Variants in TGM3 observed in about 807,000 individuals in gnomAD.
The protein encoded by TGM3 is transglutaminase 3, also known as protein-glutamine gamma-glutamyltransferase E.
In TGM3, 52 loss-of-function variants were observed where a neutral mutation model predicts 73.8. The observed-to-expected ratio is 0.70, with a 90% confidence interval of 0.56 to 0.89. The LOEUF (loss-of-function observed/expected upper bound fraction) is 0.89. Ranked by LOEUF, TGM3 falls within the 40% of genes least tolerant of loss-of-function variation. The pLI, the probability that TGM3 is intolerant of heterozygous loss-of-function variation, is 0.00. For synonymous variants in TGM3, 372 were observed against 354.9 expected, an observed-to-expected ratio of 1.05 and a Z score of -0.54; for missense variants, 928 against 909.9, an observed-to-expected ratio of 1.02 and a Z score of -0.26.
In TGM3 at chr20:2,340,741, T is replaced by A; in HGVS notation, c.*160T>A. 1 of 948,878 alleles carries A rather than the reference T, an allele frequency of 1.1e-6. No individual in the cohort carries two copies. The highest frequency in any genetic ancestry group is 1.4e-5 in the South Asian group (1 of 69,462). The allele number at this position is 948,878 out of a possible 1,614,324, so 58.8% of individuals were successfully genotyped here. Reference sequence around the variant, plus strand: ...CAGGCTCCAGCACATCCCCCTCTCCTCTCCCCCAGGTTGGGGCTGGGTCCA... The same window carrying A: ...CAGGCTCCAGCACATCCCCCTCTCCACTCCCCCAGGTTGGGGCTGGGTCCA... On this transcript the variant is annotated 3_prime_UTR_variant, in exon 13 of 13. Transcript: ENST00000381458.
At chr20:2,323,546 T>C (rs974045620) in intron 7 of TGM3, among the ~76,000 whole-genome samples, 12 of 152,346 alleles carry the variant, frequency 7.9e-5, no homozygotes, top group Admixed American at 7.2e-4. Flanking sequence ...CTTACGTGAG[T>C]TTTTCCATGG....
At chr20:2,340,040 G>GGGGGGGGGGGGGGGGGGGGGGC in intron 12 of TGM3, 53 bp downstream of exon 12, 3 of 944,838 alleles carry the variant, frequency 3.2e-6, no homozygotes, top group East Asian at 3.3e-5. Flanking sequence ...GGGCGGGGGG[G>GGGGGGGGGGGGGGGGGGGGGGC]CCCTCCAGAT....
intron 7 of TGM3, among the ~76,000 whole-genome samples, chr20:2,317,922 C>CATATATATATATATATATCATAT (rs1568627288): frequency 1.4e-5 from 2 of 143,060 alleles, no homozygotes; most frequent in African/African-American, 5.2e-5. Flanking sequence ...CTTCTCTTAG[C>CATATATATATATATATATCATAT]ATATATATAT....
intron 12 of TGM3, 58 bp from the exon 13 acceptor site, chr20:2,340,376 C>T (rs1219809914): frequency 9.4e-6 from 15 of 1,601,950 alleles, no homozygotes; most frequent in Middle Eastern, 1.7e-4. Flanking sequence ...ACAGGAGGCC[C>T]GTCCAGCCCA....
intron 6 of TGM3, 52 bp from the exon 7 acceptor site, chr20:2,317,298 G>A (rs557107089): frequency 6.2e-7 from 1 of 1,613,954 alleles, no homozygotes; most frequent in South Asian, 1.1e-5. Context: ...AGTGGGCTAT[G>A]CCAAGGTACC....
intron 1 of TGM3, among the ~76,000 whole-genome samples, chr20:2,303,652 C>T (rs1054599361): frequency 1.1e-4 from 17 of 152,160 alleles, no homozygotes; most frequent in Admixed American, 8.5e-4. Context: ...CCATGGCCAC[C>T]GAGCCAGAGT....
chr20:2,340,651 C>T lies in TGM3; in HGVS notation c.*70C>T. ...GGGAGAGCTCACCATGGAATGAACCCCCCGCCCATGCTGTCCGGCCTGGGA... is the reference window on the plus strand; with the variant it reads ...GGGAGAGCTCACCATGGAATGAACCTCCCGCCCATGCTGTCCGGCCTGGGA... On this transcript the variant is annotated 3_prime_UTR_variant, in exon 13 of 13. Transcript: ENST00000381458. 6.3e-7 allele frequency: 1 copy of T among 1,598,070 alleles called. No homozygotes were observed. The highest frequency in any genetic ancestry group is 1.1e-5 in the South Asian group (1 of 90,038).
In TGM3 at chr20:2,340,454, A is replaced by G. The variant is rs2084375246; in HGVS notation, c.1955A>G (p.Lys652Arg). The G allele has an allele frequency of 6.2e-7, 1 of 1,614,030 alleles. No homozygotes were observed. The highest frequency in any genetic ancestry group is 1.3e-5 in the African/African-American group (1 of 75,024). ...LKIDVPTLGP[K>R]EGSRVRFDIL... ...ATCAGCGTGCCGACCCTAGGGCCCA[A>G]GGAGGGGTCCCGGGTCCGTTTTGAT... The change falls in exon 13 of 13, where the codon AAG (lysine) becomes AGG (arginine). Residue 652 changes from lysine (K) to arginine (R), a missense_variant. Physicochemically the swap from Lys to Arg is conservative, Grantham distance 26. Transcript: ENST00000381458.
intron 1 of TGM3, among the ~76,000 whole-genome samples, chr20:2,300,252 GA>G (rs1293615717): frequency 0.017 from 2,648 of 151,514 alleles, 74 homozygotes; most frequent in African/African-American, 0.06. Context: ...AAGAAAGAAA[GA>G]AAAGAGAGGA....
In TGM3 at chr20:2,340,519, G is replaced by A. The variant is rs140423684; in HGVS notation, c.2020G>A (p.Asp674Asn). The A allele has an allele frequency of 4.5e-5, 72 of 1,614,148 alleles. No homozygotes were observed. The highest frequency in any genetic ancestry group is 4.4e-4 in the South Asian group (40 of 91,074). Residue 674 changes from aspartate to asparagine, a missense_variant, in exon 13 of 13, where the codon GAC becomes AAC. Asp to Asn is a conservative substitution (Grantham distance 23). Transcript: ENST00000381458. ...SRSGTKQLLA[D>N]FSCNKFPAIK... ...GAGTGGCACCAAGCAACTGCTCGCC[G>A]ACTTCTCCTGCAACAAGTTCCCTGC... is the stretch of plus-strand genomic sequence containing the variant.
intron 2 of TGM3, 106 bp downstream of exon 2, chr20:2,309,936 A>G (rs945400295): frequency 3.4e-6 from 5 of 1,491,792 alleles, no homozygotes; most frequent in Non-Finnish European, 4.6e-6. Context: ...ATTGGGTTCT[A>G]GCCTTGCTCT....
At chr20:2,317,772 G>T (rs141299229) in intron 7 of TGM3, among the ~76,000 whole-genome samples, 1 of 151,780 alleles carries the variant, frequency 6.6e-6, no homozygotes, top group African/African-American at 2.4e-5. Context: ...TGAATTTATG[G>T]GATCCATTGG....
intron 5 of TGM3, among the ~76,000 whole-genome samples, chr20:2,315,740 C>A (rs1381724603): frequency 6.6e-6 from 1 of 152,248 alleles, no homozygotes; most frequent in African/African-American, 2.4e-5. Flanking sequence ...TTTGTCCTAA[C>A]TTTCCCTTGA....
Position 2,328,086 on chromosome 20 carries a change from G to C in TGM3, c.1088-34G>C, listed in dbSNP as rs755213062. The C allele has an allele frequency of 5.6e-5, 90 of 1,613,336 alleles. No individual in the cohort carries two copies. Among genetic ancestry groups the C allele is most frequent in the Non-Finnish European group, 7.3e-5 (86 of 1,179,558 alleles). On this transcript the variant is annotated intron_variant, in intron 8 of 12. Transcript: ENST00000381458. This position sits in a 1 kb window ranked among gnomAD's most constrained non-coding sequence, Gnocchi z 5.2. ...CGGGCACTGGGTAGGTTGTGGCCTT[G>C]GCATATATCCAGCCTCTGCATCTTG...
At chr20:2,340,120 T>C (rs1241480611) in intron 12 of TGM3, 133 bp downstream of exon 12, 4 of 1,159,276 alleles carry the variant, frequency 3.5e-6, no homozygotes, top group East Asian at 2.6e-5. Context: ...CTTGGAACTC[T>C]AGAATCTGCT....
intron 1 of TGM3, among the ~76,000 whole-genome samples, chr20:2,298,404 G>C (rs1400640619): frequency 1.3e-5 from 2 of 152,194 alleles, no homozygotes; most frequent in Non-Finnish European, 2.9e-5. Flanking sequence ...AAGCCACTTG[G>C]AAGCCCTGGG....
chr20:2,297,541 A>G (rs1434357636), intron 1 of TGM3, among the ~76,000 whole-genome samples: 1 of 152,002 alleles, frequency 6.6e-6, no homozygotes, highest in Non-Finnish European at 1.5e-5. Flanking sequence ...CCTCCCGTGG[A>G]CTCTCAGGAA....
At chr20:2,325,786 G>A in intron 7 of TGM3, 63 bp from the exon 8 acceptor site, 6 of 1,178,552 alleles carry the variant, frequency 5.1e-6, no homozygotes, top group Non-Finnish European at 7.4e-6. Context: ...AAGATGTGCT[G>A]TCTTGCCACT....
At chr20:2,304,516 G>A (rs1190237623) in intron 1 of TGM3, among the ~76,000 whole-genome samples, 1 of 152,162 alleles carries the variant, frequency 6.6e-6, no homozygotes, top group Non-Finnish European at 1.5e-5. Context: ...GATGCAGCAT[G>A]AGGGCCCCTC....
Sources: gnomAD v4.1 joint callset for allele counts (sites outside exome capture counted in the v4.1 genomes callset) on GRCh38, gnomAD v4.1.1 for gene constraint, Gnocchi (gnomAD v3.1) non-coding constraint, MANE v1.5 for transcripts, NCBI Gene and HGNC (gene_info 2026-07-23, HGNC 2026-07-21) for gene names.